Variants in BTBD9 observed in about 807,000 individuals in gnomAD.
The protein encoded by BTBD9 is BTB/POZ domain-containing protein 9.
In BTBD9, 49 loss-of-function variants were observed where a neutral mutation model predicts 64.3. The observed-to-expected ratio is 0.76, with a 90% CI of 0.61 to 0.97. The LOEUF is 0.97. Among genes scored for constraint, BTBD9 ranks in the 50% least tolerant of loss-of-function variants. The pLI is 0.00. For missense variants in BTBD9, 598 were observed against 762.1 expected (o/e 0.78, Z 2.53); for synonymous variants, 260 against 274.7 (o/e 0.95, Z 0.53).
intron 7 of BTBD9, among the ~76,000 whole-genome samples, chr6:38,322,078 C>T (rs1295339931): frequency 6.6e-6 from 1 of 151,974 alleles, no homozygotes; most frequent in Non-Finnish European, 1.5e-5. Context: ...CCCTTTCCCA[C>T]CAAACGAGAA....
At chr6:38,242,332 A>G (rs184485804) in intron 9 of BTBD9, among the ~76,000 whole-genome samples, 11 of 152,318 alleles carry the variant, frequency 7.2e-5, no homozygotes, top group African/African-American at 2.6e-4. Flanking sequence ...TACAGTACTT[A>G]CATATCTGAT....
intron 8 of BTBD9, among the ~76,000 whole-genome samples, chr6:38,257,085 G>A (rs951639132): frequency 6.4e-5 from 8 of 125,620 alleles, no homozygotes; most frequent in Non-Finnish European, 1.1e-4. Flanking sequence ...TTTTTTTTTG[G>A]TAGAGGCACA....
At chr6:38,300,434 A>G (rs1762345277) in intron 7 of BTBD9, among the ~76,000 whole-genome samples, 2 of 152,166 alleles carry the variant, frequency 1.3e-5, no homozygotes, top group Non-Finnish European at 2.9e-5. Context: ...CACTGAATCT[A>G]TAAATTACCT....
At chr6:38,245,640 A>G (rs912501455) in intron 9 of BTBD9, among the ~76,000 whole-genome samples, 18 of 152,164 alleles carry the variant, frequency 1.2e-4, no homozygotes, top group Middle Eastern at 3.2e-3. Context: ...GGACGATACT[A>G]GAGTTGTGCT....
At chr6:38,280,455 GA>G (rs1761468336) in intron 8 of BTBD9, among the ~76,000 whole-genome samples, 1 of 152,202 alleles carries the variant, frequency 6.6e-6, no homozygotes, top group Admixed American at 6.5e-5. Flanking sequence ...TGACTGATAT[GA>G]AGCAAATTTT....
At position 38,571,043 on chromosome 6, in the gene BTBD9, A is replaced by G. The variant is rs141367292; in HGVS notation, c.1154+6557T>C. On this transcript the variant is annotated intron_variant, in intron 6 of 10. Transcript: ENST00000481247. ...GGTTGCTCTTGCTAGTTCAATTGTA[A>G]TATCAAGGTTGTAGGTAGATGGACA... is the stretch of plus-strand genomic sequence containing the variant. Among the ~76,000 whole-genome samples, 329 of 152,364 alleles carry G rather than the reference A, an allele frequency of 2.2e-3. 2 individuals are homozygous for G. The highest frequency in any genetic ancestry group is 7.4e-3 in the African/African-American group (306 of 41,584).
chr6:38,292,107 G>A (rs941487921), intron 7 of BTBD9, among the ~76,000 whole-genome samples: 5 of 151,386 alleles, frequency 3.3e-5, no homozygotes, highest in African/African-American at 4.9e-5. Context: ...GATTACAGGC[G>A]GTTGCCACCA....
chr6:38,350,761 T>G (rs996280224), intron 6 of BTBD9, among the ~76,000 whole-genome samples: 17 of 152,364 alleles, frequency 1.1e-4, no homozygotes, highest in Admixed American at 9.1e-4. Flanking sequence ...AGAACATTGT[T>G]GTTTGTTGTG....
chr6:38,434,318 A>G (rs1768603611), intron 6 of BTBD9, among the ~76,000 whole-genome samples: 1 of 151,980 alleles, frequency 6.6e-6, no homozygotes, highest in South Asian at 2.1e-4. Flanking sequence ...GTCAGCCACT[A>G]TGAGACTTCA....
intron 6 of BTBD9, among the ~76,000 whole-genome samples, chr6:38,411,656 C>A (rs1054961685): frequency 2.0e-5 from 3 of 152,074 alleles, no homozygotes; most frequent in African/African-American, 7.2e-5. Flanking sequence ...AAAAAAAATG[C>A]CAGGTGTAGT....
At chr6:38,632,540 A>G (rs1284457750) in intron 1 of BTBD9, among the ~76,000 whole-genome samples, 2 of 152,238 alleles carry the variant, frequency 1.3e-5, no homozygotes, top group Non-Finnish European at 2.9e-5. Context: ...GGATTTTTTA[A>G]AAGAGTTGAC....
intron 5 of BTBD9, among the ~76,000 whole-genome samples, chr6:38,578,348 C>T (rs1679842513): frequency 6.6e-6 from 1 of 152,208 alleles, no homozygotes. Flanking sequence ...GATAATCTGG[C>T]AGTAACGAAA....
intron 6 of BTBD9, among the ~76,000 whole-genome samples, chr6:38,433,832 G>GT (rs1768572308): frequency 1.3e-5 from 2 of 151,832 alleles, no homozygotes; most frequent in Admixed American, 1.3e-4. Context: ...ACCATAATAT[G>GT]TAAGTTCCAT....
At chr6:38,464,393 AC>A (rs1172816420) in intron 6 of BTBD9, among the ~76,000 whole-genome samples, 3 of 150,234 alleles carry the variant, frequency 2.0e-5, no homozygotes, top group Non-Finnish European at 4.5e-5. Context: ...AAAAAAAAAA[AC>A]CCACTTGAAA....
Position 38,266,644 on chromosome 6 carries a change from AAGAAAGAAAGAAAG to A in BTBD9, c.1455-10142_1455-10129del, listed in dbSNP as rs1286857955. ...AAAGAAAGAAAGAAAGAAAGAAAGAAAGAAAGAAAGAAAGAAAGAAAGAAAGAAAGAAAGAAGAA... is the reference window on the plus strand; with the variant it reads ...AAAGAAAGAAAGAAAGAAAGAAAGAAAAAGAAAGAAAGAAAGAAAGAAGAA... On this transcript the variant is annotated intron_variant, in intron 8 of 10. Coordinates refer to ENST00000481247, the MANE Select transcript of BTBD9 (RefSeq NM_001099272.2). Among the ~76,000 whole-genome samples the A allele has an allele frequency of 1.8e-4, 24 of 134,864 alleles. No homozygotes were observed. The East Asian group carries it at 4.2e-3, about 23-fold the overall frequency. The allele number at this position is 134,864 out of a possible 152,430, so 88.5% of individuals were successfully genotyped here.
chr6:38,476,353 T>C (rs954871675), intron 6 of BTBD9, among the ~76,000 whole-genome samples: 1 of 152,196 alleles, frequency 6.6e-6, no homozygotes, highest in African/African-American at 2.4e-5. Context: ...GTGCATAACA[T>C]GTGCTTATGA....
At chr6:38,303,874 T>TACATATATAC (rs1762512954) in intron 7 of BTBD9, among the ~76,000 whole-genome samples, 1 of 82,650 alleles carries the variant, frequency 1.2e-5, no homozygotes, top group Non-Finnish European at 2.3e-5. Flanking sequence ...TATATATATA[T>TACATATATAC]ACACACACAC....
chr6:38,562,299 C>G (rs1004260924), intron 6 of BTBD9, among the ~76,000 whole-genome samples: 1 of 152,138 alleles, frequency 6.6e-6, no homozygotes, highest in Non-Finnish European at 1.5e-5. Flanking sequence ...TCCGTTTAAT[C>G]AGTATTTAAA....
intron 1 of BTBD9, among the ~76,000 whole-genome samples, chr6:38,599,851 G>A (rs944187024): frequency 2.0e-5 from 3 of 152,216 alleles, no homozygotes; most frequent in Non-Finnish European, 4.4e-5. Flanking sequence ...CAGCGATGCA[G>A]AAGAACATGG....
Sources: allele counts gnomAD v4.1 joint callset (sites outside exome capture counted in the v4.1 genomes callset), GRCh38; gene constraint gnomAD v4.1.1; transcripts MANE v1.5; gene names NCBI Gene and HGNC (gene_info 2026-07-23, HGNC 2026-07-21).